IPO5: variants seen among roughly 807,000 people sequenced by gnomAD.
IPO5 encodes importin-5.
IPO5 carries 18 observed loss-of-function variants against 143.3 expected under a neutral mutation model. The observed-to-expected ratio is 0.13, with a 90% confidence interval of 0.09 to 0.19. The LOEUF (loss-of-function observed/expected upper bound fraction) is 0.19, where lower values mean the gene tolerates loss of function less well. IPO5 is among the 10% of genes least tolerant of loss of function. The pLI is 1.00. For synonymous variants in IPO5, 477 were observed against 465.7 expected (o/e 1.02, Z -0.31); for missense variants, 1,013 against 1,336.9 (o/e 0.76, Z 3.78).
chr13:98,000,669 A>G (rs781645913), intron 13 of IPO5, 24 bp downstream of exon 13: 3 of 1,465,542 alleles, frequency 2.0e-6, no homozygotes, highest in South Asian at 2.3e-5. Flanking sequence ...TTCAAATGCT[A>G]GAAGAGTGAA....
chr13:98,012,284 G>A lies in IPO5; in HGVS notation c.2094G>A (p.Glu698=), dbSNP rs147758248. ...AGGAGTTAAAGGAAGGCTTTGTGGA[G>A]TACACCGAACAGGTTGTCAAACTGA... ...YAKELKEGFV[E]YTEQVVKLMV... is the part of the protein sequence containing the mutation. Residue 698 remains glutamate (E), a synonymous_variant, in exon 21 of 29, where the codon GAG becomes GAA. Transcript: ENST00000651721. 92 of 1,612,694 alleles carry A rather than the reference G, an allele frequency of 5.7e-5. No individual in the cohort carries two copies. The highest frequency in any genetic ancestry group is 3.3e-4 in the Middle Eastern group (2 of 6,080).
At chr13:97,956,636 C>T (rs1884484938) in intron 2 of IPO5, among the ~76,000 whole-genome samples, 2 of 152,134 alleles carry the variant, frequency 1.3e-5, no homozygotes, top group African/African-American at 4.8e-5. Flanking sequence ...TCTAAAGCTT[C>T]TCCTAAAGTT....
chr13:97,988,512 G>T (rs1322781650), intron 6 of IPO5, among the ~76,000 whole-genome samples: 1 of 152,242 alleles, frequency 6.6e-6, no homozygotes, highest in East Asian at 1.9e-4. Flanking sequence ...TGCCAGCCAG[G>T]TGCGGTGGCT....
chr13:97,993,339 G>A, intron 11 of IPO5, 114 bp downstream of exon 11: 1 of 879,366 alleles, frequency 1.1e-6, no homozygotes, highest in Admixed American at 2.5e-5. Flanking sequence ...TATCCTTTTA[G>A]AATCAGATGA....
rs1890612781 is a variant in IPO5, at chr13:98,023,602, A to G, written c.*1780A>G. 1 of 152,174 alleles carries G rather than the reference A, an allele frequency of 6.6e-6. No individual in the cohort carries two copies. The highest frequency in any genetic ancestry group is 1.5e-5 in the Non-Finnish European group (1 of 68,036). 9.4% of individuals were successfully genotyped at this position (152,174 alleles called of 1,614,324 possible). ...TGGGAGAACCTAGTGTTTGCTGGGC[A>G]CTATGCTAAGCACTTTGGGAGCAAG... On this transcript the variant is annotated 3_prime_UTR_variant, in exon 29 of 29. Coordinates refer to ENST00000651721, the MANE Select transcript of IPO5 (RefSeq NM_002271.6).
chr13:98,003,270 G>A (rs1327852006), intron 16 of IPO5, among the ~76,000 whole-genome samples: 2 of 152,200 alleles, frequency 1.3e-5, no homozygotes, highest in Admixed American at 6.5e-5. Flanking sequence ...GGTAAAATCA[G>A]TGTATATGGA....
intron 8 of IPO5, 32 bp downstream of exon 8, chr13:97,990,254 T>A: frequency 7.1e-7 from 1 of 1,418,262 alleles, no homozygotes. Flanking sequence ...AATATAACCA[T>A]CTATTTTAAT....
At chr13:98,005,270 T>A (rs1889134042) in intron 16 of IPO5, among the ~76,000 whole-genome samples, 1 of 151,858 alleles carries the variant, frequency 6.6e-6, no homozygotes. Context: ...CAATCTCGGC[T>A]CACTGCAACC....
chr13:97,974,590 G>A (rs1182363119), intron 3 of IPO5, among the ~76,000 whole-genome samples: 2 of 151,256 alleles, frequency 1.3e-5, no homozygotes, highest in Non-Finnish European at 2.9e-5. Context: ...GATTACAGGC[G>A]TGAGCCACCT....
chr13:98,006,499 C>T (rs1345769870), intron 17 of IPO5, 151 bp downstream of exon 17: 11 of 548,218 alleles, frequency 2.0e-5, no homozygotes, highest in Non-Finnish European at 3.1e-5. Context: ...CTCAGCCTCC[C>T]GAGTAGCTGG....
intron 16 of IPO5, among the ~76,000 whole-genome samples, chr13:98,004,150 A>G (rs562086338): frequency 6.6e-6 from 1 of 152,354 alleles, no homozygotes; most frequent in African/African-American, 2.4e-5. Context: ...AGGCATAGAA[A>G]ATAAAAGATA....
At chr13:98,008,670 A>G (rs781542471) in intron 18 of IPO5, among the ~76,000 whole-genome samples, 2 of 152,112 alleles carry the variant, frequency 1.3e-5, no homozygotes, top group Non-Finnish European at 2.9e-5. Flanking sequence ...ACACGCACAT[A>G]CACACATAGG....
intron 3 of IPO5, among the ~76,000 whole-genome samples, chr13:97,970,958 G>A (rs563097547): frequency 3.9e-5 from 6 of 152,258 alleles, no homozygotes; most frequent in South Asian, 2.1e-4. Flanking sequence ...CTCTGTGCCC[G>A]GCACTACTGC....
chr13:97,986,172 T>G (rs1426700764), intron 6 of IPO5, among the ~76,000 whole-genome samples: 1 of 152,232 alleles, frequency 6.6e-6, no homozygotes, highest in African/African-American at 2.4e-5. Flanking sequence ...GCTTGAAAAT[T>G]GGCAGTTACA....
intron 17 of IPO5, among the ~76,000 whole-genome samples, chr13:98,006,799 A>G (rs1889294143): frequency 6.7e-6 from 1 of 149,010 alleles, no homozygotes; most frequent in Admixed American, 6.7e-5. Flanking sequence ...TACTCCTTTC[A>G]CATTGCTCCT....
At chr13:97,974,166 G>T (rs533886156) in intron 3 of IPO5, among the ~76,000 whole-genome samples, 1 of 152,146 alleles carries the variant, frequency 6.6e-6, no homozygotes, top group African/African-American at 2.4e-5. Context: ...GTAACCTACA[G>T]ACTCATTGCC....
chr13:97,975,769 AAC>A (rs1886234139), intron 3 of IPO5: 1 of 174,296 alleles, frequency 5.7e-6, no homozygotes, highest in Non-Finnish European at 1.1e-5. Flanking sequence ...GATTCAAGGG[AAC>A]AGTCACAGAT....
intron 12 of IPO5, among the ~76,000 whole-genome samples, chr13:97,998,104 T>C (rs1428749963): frequency 6.6e-6 from 1 of 152,154 alleles, no homozygotes; most frequent in Non-Finnish European, 1.5e-5. Flanking sequence ...GCCTCCCGAG[T>C]AGCTGGGACT....
chr13:97,976,684 C>T lies in IPO5; in HGVS notation c.-4-9C>T, dbSNP rs1886366799. The T allele has an allele frequency of 5.2e-6, 7 of 1,334,788 alleles. No homozygotes were observed. The highest frequency in any genetic ancestry group is 3.1e-5 in the African/African-American group (2 of 64,098). 82.7% of individuals were successfully genotyped at this position (1,334,788 alleles called of 1,614,324 possible). A position where few individuals can be genotyped will look rare whatever the true frequency, so the allele number is the denominator to read the frequency against. Reference sequence around the variant, plus strand: ...CTGTCTCCCCTCCCTCCTTCTCTCTCACGCCTAGCGCAATGGCGGCGGCCG... The same window carrying T: ...CTGTCTCCCCTCCCTCCTTCTCTCTTACGCCTAGCGCAATGGCGGCGGCCG... On this transcript the variant is annotated splice_polypyrimidine_tract_variant and intron_variant, in intron 3 of 28. Transcript: ENST00000651721.
Sources: gnomAD v4.1 joint callset for allele counts (sites outside exome capture counted in the v4.1 genomes callset) on GRCh38, gnomAD v4.1.1 for gene constraint, MANE v1.5 for transcripts, NCBI Gene and HGNC (gene_info 2026-07-23, HGNC 2026-07-21) for gene names.